Variants in SNX2 observed in about 807,000 individuals in gnomAD.
The protein encoded by SNX2 is sorting nexin 2.
SNX2 carries 25 observed loss-of-function variants against 69.9 expected under a neutral mutation model. The observed-to-expected ratio is 0.36, with a 90% confidence interval of 0.26 to 0.50. The LOEUF (loss-of-function observed/expected upper bound fraction) is 0.50. Ranked by LOEUF, SNX2 falls within the 20% of genes least tolerant of loss-of-function variation. SNX2 has a pLI of 0.97. For synonymous variants in SNX2, 229 were observed against 200.4 expected, an observed-to-expected ratio of 1.14 and a Z score of -1.20; for missense variants, 551 against 613.3, an observed-to-expected ratio of 0.90 and a Z score of 1.07.
At chr5:122,784,852 C>T (rs377322988) in intron 1 of SNX2, among the ~76,000 whole-genome samples, 23 of 152,152 alleles carry the variant, frequency 1.5e-4, no homozygotes, top group Non-Finnish European at 2.6e-4. Flanking sequence ...CTAATGAAGT[C>T]ATCTGAATTG....
intron 1 of SNX2, among the ~76,000 whole-genome samples, chr5:122,785,503 C>T (rs4835895): frequency 0.44 from 36,662 of 84,184 alleles, 4,895 homozygotes; most frequent in East Asian, 0.54. Flanking sequence ...TGAGACTTTT[C>T]TCCCTACTCT....
chr5:122,808,423 A>G, intron 7 of SNX2, 68 bp downstream of exon 7: 2 of 1,151,770 alleles, frequency 1.7e-6, no homozygotes, highest in Non-Finnish European at 2.5e-6. Context: ...ATTCCATTAT[A>G]TGGCAAAACT....
At chr5:122,775,262 A>T (rs1488190386) in intron 1 of SNX2, 51 bp downstream of exon 1, 1 of 1,505,168 alleles carries the variant, frequency 6.6e-7, no homozygotes, top group Admixed American at 2.1e-5. Flanking sequence ...CGCGCGTCTC[A>T]CCTTTCCCCT....
chr5:122,775,234 G>A, intron 1 of SNX2, 23 bp downstream of exon 1: 1 of 1,538,358 alleles, frequency 6.5e-7, no homozygotes. Context: ...CGCTGCGGGT[G>A]CTGCGCTGCG....
intron 1 of SNX2, among the ~76,000 whole-genome samples, chr5:122,794,582 A>G (rs1753332896): frequency 6.6e-6 from 1 of 152,248 alleles, no homozygotes; most frequent in African/African-American, 2.4e-5. Flanking sequence ...AAACATGGCA[A>G]TAACAAAAAC....
At chr5:122,827,216 T>C in intron 12 of SNX2, 163 bp from the exon 13 acceptor site, 1 of 603,514 alleles carries the variant, frequency 1.7e-6, no homozygotes, top group Non-Finnish European at 2.9e-6. Context: ...TGCATTTCTA[T>C]TGGTTGACAG....
chr5:122,799,841 A>C lies in SNX2; in HGVS notation c.376A>C (p.Arg126=), dbSNP rs1753470439. Residue 126 remains arginine, a synonymous_variant, in exon 3 of 15, where the codon AGA becomes CGA. Coordinates refer to ENST00000379516, the MANE Select transcript of SNX2 (RefSeq NM_003100.4). ...TATGTCTGCTCCCGTGATCTTTGAT[A>C]GATCCAGGGAAGAGGTACAGGAAAA... ...KSMSAPVIFD[R]SREEIEEEAN... The C allele has an allele frequency of 1.9e-6, 3 of 1,610,206 alleles. No homozygotes were observed. Among genetic ancestry groups the C allele is most frequent in the Non-Finnish European group, 2.5e-6 (3 of 1,178,050 alleles).
intron 11 of SNX2, among the ~76,000 whole-genome samples, chr5:122,820,793 G>C (rs1581645651): frequency 6.6e-6 from 1 of 152,170 alleles, no homozygotes; most frequent in Admixed American, 6.5e-5. Context: ...TAGTATCCCT[G>C]TTTGCGAGAT....
chr5:122,831,554 G>T lies in SNX2; in HGVS notation c.*1906G>T, dbSNP rs1754289210. ...AAGTTTGCTCTTCTAAAAAGAAACT[G>T]AAGCAGAAATAGTACAATCATCTTT... is the stretch of plus-strand genomic sequence containing the variant. On this transcript the variant is annotated 3_prime_UTR_variant, in exon 15 of 15. Transcript: ENST00000379516. 6.6e-6 allele frequency among the ~76,000 whole-genome samples: 1 copy of T among 152,210 alleles called. No homozygotes were observed. Among genetic ancestry groups the T allele is most frequent in the Non-Finnish European group, 1.5e-5 (1 of 68,028 alleles).
At chr5:122,807,669 C>A (rs368389230) in intron 6 of SNX2, among the ~76,000 whole-genome samples, 6 of 152,200 alleles carry the variant, frequency 3.9e-5, no homozygotes, top group Admixed American at 3.9e-4. Flanking sequence ...ATTGCCCTTA[C>A]AGAAGTAATT....
At chr5:122,815,168 T>C (rs978684438) in intron 7 of SNX2, among the ~76,000 whole-genome samples, 1 of 152,236 alleles carries the variant, frequency 6.6e-6, no homozygotes, top group Non-Finnish European at 1.5e-5. Flanking sequence ...ACATGTGAGC[T>C]TTTCTAATAA....
intron 7 of SNX2, 105 bp downstream of exon 7, chr5:122,808,460 A>C (rs1581638439): frequency 1.3e-6 from 1 of 772,184 alleles, no homozygotes; most frequent in Non-Finnish European, 2.0e-6. Context: ...ATTTTTTCCA[A>C]AGTACCACTT....
At chr5:122,801,076 C>T (rs1753497556) in intron 3 of SNX2, among the ~76,000 whole-genome samples, 1 of 152,100 alleles carries the variant, frequency 6.6e-6, no homozygotes, top group African/African-American at 2.4e-5. Context: ...ACTAAAGTTG[C>T]TTTTCAGTAT....
At chr5:122,799,915 A>G (rs1230324963) in intron 3 of SNX2, 60 bp downstream of exon 3, 9 of 1,296,334 alleles carry the variant, frequency 6.9e-6, no homozygotes, top group East Asian at 4.9e-5. Flanking sequence ...CCCACCCAAC[A>G]TCACTCTGCT....
chr5:122,811,859 A>AAATAAAT (rs1349424907), intron 7 of SNX2, among the ~76,000 whole-genome samples: 47 of 151,664 alleles, frequency 3.1e-4, no homozygotes, highest in African/African-American at 1.1e-3. Flanking sequence ...ATAAATAAAT[A>AAATAAAT]AAATGTAGTG....
chr5:122,794,290 A>G (rs1001818343), intron 1 of SNX2, among the ~76,000 whole-genome samples: 7 of 152,124 alleles, frequency 4.6e-5, no homozygotes, highest in Admixed American at 4.6e-4. Flanking sequence ...CAGCCTGGGC[A>G]ATAGAATGAG....
intron 11 of SNX2, among the ~76,000 whole-genome samples, chr5:122,825,020 T>C (rs1754122732): frequency 6.6e-6 from 1 of 152,142 alleles, no homozygotes; most frequent in Non-Finnish European, 1.5e-5. Flanking sequence ...AAAACTAATA[T>C]TAGAACCAAA....
At chr5:122,815,589 CCTTTGCAACATAATA>C (rs1227143926) in intron 7 of SNX2, 3 of 180,538 alleles carry the variant, frequency 1.7e-5, no homozygotes, top group Admixed American at 6.1e-5. Context: ...CTCACATACC[CCTTTGCAACATAATA>C]CTTTGCAATG....
chr5:122,805,558 A>G (rs1753624388), intron 6 of SNX2, among the ~76,000 whole-genome samples: 1 of 152,028 alleles, frequency 6.6e-6, no homozygotes, highest in Non-Finnish European at 1.5e-5. Flanking sequence ...TCTTTTTTTA[A>G]ATTCAAAAAT....
Sources: gnomAD v4.1 joint callset for allele counts (sites outside exome capture counted in the v4.1 genomes callset) on GRCh38, gnomAD v4.1.1 for gene constraint, MANE v1.5 for transcripts, NCBI Gene and HGNC (gene_info 2026-07-23, HGNC 2026-07-21) for gene names.